Variants in RNF185 observed in about 807,000 individuals in gnomAD.
The protein encoded by RNF185 is ring finger protein 185.
A neutral mutation model predicts 24.9 loss-of-function variants in RNF185; 13 were observed. That is an observed-to-expected ratio of 0.52 (90% CI 0.34 to 0.83). RNF185 has a LOEUF of 0.83. Ranked by LOEUF, RNF185 falls within the 40% of genes least tolerant of loss-of-function variation. RNF185 has a pLI of 0.01. For synonymous variants in RNF185, 79 were observed against 90.3 expected, an observed-to-expected ratio of 0.88 and a Z score of 0.71; for missense variants, 184 against 244.7, an observed-to-expected ratio of 0.75 and a Z score of 1.65.
At chr22:31,188,709 C>T (rs976657237) in intron 2 of RNF185, among the ~76,000 whole-genome samples, 1 of 151,382 alleles carries the variant, frequency 6.6e-6, no homozygotes, top group Non-Finnish European at 1.5e-5. Context: ...CCTAGCTACT[C>T]GGGAGACTGA....
At chr22:31,169,608 G>A (rs1289677725) in intron 1 of RNF185, among the ~76,000 whole-genome samples, 7 of 152,044 alleles carry the variant, frequency 4.6e-5, no homozygotes, top group African/African-American at 1.7e-4. Context: ...GTGCAGTGGC[G>A]TGATCTCAGC....
At chr22:31,184,644 G>A (rs1370406809) in intron 1 of RNF185, among the ~76,000 whole-genome samples, 5 of 152,184 alleles carry the variant, frequency 3.3e-5, no homozygotes, top group South Asian at 2.1e-4. Context: ...CTGAGTGAGC[G>A]AGACTCCGTC....
At chr22:31,198,820 C>T (rs944594141) in intron 5 of RNF185, among the ~76,000 whole-genome samples, 8 of 130,436 alleles carry the variant, frequency 6.1e-5, no homozygotes, top group African/African-American at 1.2e-4. Context: ...CTCGGCTGGG[C>T]GTGGTGGCTC....
At chr22:31,194,423 G>A (rs1327666247) in intron 3 of RNF185, among the ~76,000 whole-genome samples, 3 of 151,830 alleles carry the variant, frequency 2.0e-5, no homozygotes, top group Non-Finnish European at 4.4e-5. Context: ...CAGTTGTTGG[G>A]AAAATGCTAT....
chr22:31,201,868 G>C (rs957638773), intron 6 of RNF185, among the ~76,000 whole-genome samples: 4 of 152,120 alleles, frequency 2.6e-5, no homozygotes, highest in Non-Finnish European at 5.9e-5. Flanking sequence ...CCACCCTATG[G>C]AACAGGTGTG....
At chr22:31,200,970 G>A (rs746442468) in intron 5 of RNF185, among the ~76,000 whole-genome samples, 12 of 152,250 alleles carry the variant, frequency 7.9e-5, no homozygotes, top group Non-Finnish European at 1.3e-4. Flanking sequence ...GAGTTGTTCA[G>A]TGTTACCGCT....
intron 6 of RNF185, among the ~76,000 whole-genome samples, chr22:31,202,880 C>T (rs1348571912): frequency 2.0e-5 from 3 of 152,184 alleles, no homozygotes; most frequent in Non-Finnish European, 4.4e-5. Flanking sequence ...TCCCAATGTG[C>T]TGGGATTACA....
chr22:31,204,479 G>A lies in RNF185; in HGVS notation c.482-10G>A, dbSNP rs1453061191. ...TCTAATAGCCTGTTTTCTCCTTTCT[G>A]TCTCTCCAGCTGTCCCTGGGACACC... is the stretch of plus-strand genomic sequence containing the variant. On this transcript the variant is annotated splice_polypyrimidine_tract_variant and intron_variant, in intron 6 of 6. Coordinates refer to ENST00000326132, the MANE Select transcript of RNF185 (RefSeq NM_152267.4). 5.6e-6 allele frequency: 9 copies of A among 1,600,980 alleles called. No individual in the cohort carries two copies. In the South Asian group the frequency reaches 9.9e-5, roughly 18 times the overall value.
intron 6 of RNF185, among the ~76,000 whole-genome samples, chr22:31,203,087 G>A (rs528189278): frequency 2.6e-5 from 4 of 152,270 alleles, no homozygotes; most frequent in Admixed American, 6.5e-5. Flanking sequence ...TAACCTGGTC[G>A]AAGGCTAACC....
Position 31,204,748 on chromosome 22 carries a change from C to G in RNF185, c.*162C>G. The G allele has an allele frequency of 3.3e-6, 2 of 598,552 alleles. No individual in the cohort carries two copies. Among genetic ancestry groups the G allele is most frequent in the East Asian group, 2.8e-5 (1 of 35,426 alleles). The allele number at this position is 598,552 out of a possible 1,614,324, so 37.1% of individuals were successfully genotyped here. A position where few individuals can be genotyped will look rare whatever the true frequency, so the allele number is the denominator to read the frequency against. On this transcript the variant is annotated 3_prime_UTR_variant, in exon 7 of 7. Transcript: ENST00000326132. ...TTCATCAGAGCTTTGGAACTCGAGA[C>G]CAGTTGGCGATGACCCCTGAATATC...
At chr22:31,165,281 T>TA (rs1923849147) in intron 1 of RNF185, among the ~76,000 whole-genome samples, 1 of 152,080 alleles carries the variant, frequency 6.6e-6, no homozygotes, top group Non-Finnish European at 1.5e-5. Context: ...TATTGCCCAC[T>TA]AAAAAAATTA....
intron 1 of RNF185, among the ~76,000 whole-genome samples, chr22:31,165,067 C>A (rs1024028198): frequency 6.6e-6 from 1 of 151,320 alleles, no homozygotes; most frequent in Non-Finnish European, 1.5e-5. Flanking sequence ...TGCACCACCA[C>A]GCCCGGCTAA....
chr22:31,198,600 T>C (rs1274241526), intron 5 of RNF185, among the ~76,000 whole-genome samples: 2 of 151,396 alleles, frequency 1.3e-5, no homozygotes, highest in African/African-American at 4.8e-5. Context: ...GGTTTCTCCA[T>C]GTTGGTCAGG....
At chr22:31,167,646 C>T (rs1924012492) in intron 1 of RNF185, among the ~76,000 whole-genome samples, 1 of 132,132 alleles carries the variant, frequency 7.6e-6, no homozygotes, top group African/African-American at 3.1e-5. Context: ...CAGTCTCACT[C>T]CGTTGTCACC....
intron 1 of RNF185, among the ~76,000 whole-genome samples, chr22:31,165,132 G>T (rs1466023497): frequency 6.6e-6 from 1 of 151,398 alleles, no homozygotes; most frequent in Non-Finnish European, 1.5e-5. Flanking sequence ...TGGTCAAGCT[G>T]GTCTGGAACT....
At chr22:31,197,237 GT>G in intron 5 of RNF185, 1 of 420,774 alleles carries the variant, frequency 2.4e-6, no homozygotes, top group Non-Finnish European at 4.3e-6. Flanking sequence ...TTACAAATCT[GT>G]GCGTGTATTT....
At chr22:31,199,874 G>C (rs1050568879) in intron 5 of RNF185, among the ~76,000 whole-genome samples, 1 of 152,224 alleles carries the variant, frequency 6.6e-6, no homozygotes, top group Admixed American at 6.5e-5. Flanking sequence ...GCTGATCAGT[G>C]TGTGATGGAG....
chr22:31,197,150 A>C, intron 5 of RNF185, 160 bp downstream of exon 5: 2 of 962,572 alleles, frequency 2.1e-6, no homozygotes, highest in East Asian at 2.9e-5. Context: ...AACCACACCA[A>C]TCCAGAGGTA....
At chr22:31,163,708 C>T (rs570006742) in intron 1 of RNF185, among the ~76,000 whole-genome samples, 1 of 150,054 alleles carries the variant, frequency 6.7e-6, no homozygotes, top group Non-Finnish European at 1.5e-5. Flanking sequence ...GAGTCTCACT[C>T]TGTCCTCCAG....
Sources: allele counts gnomAD v4.1 joint callset (sites outside exome capture counted in the v4.1 genomes callset), GRCh38; gene constraint gnomAD v4.1.1; transcripts MANE v1.5; gene names NCBI Gene and HGNC (gene_info 2026-07-23, HGNC 2026-07-21).